The following NEK6 variants were observed in gnomAD, a reference collection of about 807,000 sequenced individuals.
NEK6 encodes NIMA related kinase 6.
Under a neutral mutation model 43.5 loss-of-function variants are expected in NEK6, and 27 were observed. The observed-to-expected ratio is 0.62, with a 90% confidence interval of 0.46 to 0.86. The LOEUF (loss-of-function observed/expected upper bound fraction) is 0.86. NEK6 is among the 40% of genes least tolerant of loss of function. The pLI is 0.00. For missense variants in NEK6, 318 were observed against 414.4 expected (o/e 0.77, Z 2.02); for synonymous variants, 167 against 164.1 (o/e 1.02, Z -0.14).
intron 1 of NEK6, among the ~76,000 whole-genome samples, chr9:124,279,060 A>G (rs1159181329): frequency 1.3e-5 from 2 of 151,762 alleles, no homozygotes; most frequent in African/African-American, 4.8e-5. Flanking sequence ...AAATAGGTGG[A>G]GTGTCCCATA....
At chr9:124,282,430 T>A (rs563841272) in intron 1 of NEK6, among the ~76,000 whole-genome samples, 1 of 152,326 alleles carries the variant, frequency 6.6e-6, no homozygotes, top group African/African-American at 2.4e-5. Flanking sequence ...ACTTGATTAG[T>A]ATCTCCAAGT....
Position 124,327,340 on chromosome 9 carries a change from A to G in NEK6, c.517A>G (p.Ile173Val), listed in dbSNP as rs1834395578. 6.2e-7 allele frequency: 1 copy of G among 1,613,484 alleles called. No homozygotes were observed. The change falls in exon 7 of 10, where the codon ATC (isoleucine) becomes GTC (valine). Residue 173 changes from isoleucine (I) to valine (V), a missense_variant and splice_region_variant. By Grantham distance (29) the Ile-to-Val change is conservative (BLOSUM62 3). Transcript: ENST00000320246. ...MHSRRVMHRD[I>V]KPANVFITAT... Reference sequence around the variant, plus strand: ...ATCTCCTTCTCCTCGCCCTGCAGACATCAAGCCTGCCAACGTGTTCATCAC... The same window carrying G: ...ATCTCCTTCTCCTCGCCCTGCAGACGTCAAGCCTGCCAACGTGTTCATCAC...
intron 6 of NEK6, among the ~76,000 whole-genome samples, chr9:124,327,131 G>A (rs1231408776): frequency 1.3e-5 from 2 of 152,204 alleles, no homozygotes; most frequent in Non-Finnish European, 2.9e-5. Flanking sequence ...TGTCAAGTTG[G>A]TGGAGGGAGA....
intron 1 of NEK6, among the ~76,000 whole-genome samples, chr9:124,273,774 C>T (rs139341365): frequency 6.6e-6 from 1 of 152,254 alleles, no homozygotes; most frequent in East Asian, 1.9e-4. Context: ...AGCAGGGGAG[C>T]GTAATCTTCA....
At chr9:124,294,722 G>C (rs541893904) in intron 1 of NEK6, among the ~76,000 whole-genome samples, 1 of 152,196 alleles carries the variant, frequency 6.6e-6, no homozygotes, top group African/African-American at 2.4e-5. Flanking sequence ...GGGCAGGCTC[G>C]TGTCAGGTGG....
rs776253800 is a variant in NEK6 at position 124,351,861 on chromosome 9, TGACA to T, written c.*921_*924del. Reference sequence around the variant, plus strand: ...ACCTATCATCTACCTTCAGGATTGCTGACAGACAGAATTTGAAATAAAATATGCA... The same window carrying T: ...ACCTATCATCTACCTTCAGGATTGCTGACAGAATTTGAAATAAAATATGCA... On this transcript the variant is annotated 3_prime_UTR_variant, in exon 10 of 10. Coordinates refer to ENST00000320246, the MANE Select transcript of NEK6 (RefSeq NM_014397.6). 5 of 152,352 alleles carry T rather than the reference TGACA, an allele frequency of 3.3e-5. No individual in the cohort carries two copies. Among genetic ancestry groups the T allele is most frequent in the African/African-American group, 7.2e-5 (3 of 41,450 alleles). The allele number at this position is 152,352 out of a possible 1,614,324, so 9.4% of individuals were successfully genotyped here.
chr9:124,315,690 G>C (rs1426202304), intron 4 of NEK6, among the ~76,000 whole-genome samples: 1 of 152,212 alleles, frequency 6.6e-6, no homozygotes, highest in Non-Finnish European at 1.5e-5. Flanking sequence ...AGCCTGGTCT[G>C]GTCCCTGGTC....
At chr9:124,296,967 C>A (rs1246726098) in intron 1 of NEK6, among the ~76,000 whole-genome samples, 1 of 152,248 alleles carries the variant, frequency 6.6e-6, no homozygotes, top group African/African-American at 2.4e-5. Flanking sequence ...GCGCTCATGT[C>A]TCCCTAGGGT....
chr9:124,295,612 G>A (rs527680223), intron 1 of NEK6, among the ~76,000 whole-genome samples: 1 of 152,190 alleles, frequency 6.6e-6, no homozygotes, highest in Non-Finnish European at 1.5e-5. Flanking sequence ...CTGAACTTTG[G>A]TTTCTCTTCT....
chr9:124,309,968 G>A (rs542877205), intron 2 of NEK6, among the ~76,000 whole-genome samples: 48 of 152,348 alleles, frequency 3.2e-4, no homozygotes, highest in African/African-American at 8.9e-4. Context: ...GGCCGGTGGC[G>A]GGTCCTGGGG....
At chr9:124,319,343 C>T (rs1056034783) in intron 4 of NEK6, among the ~76,000 whole-genome samples, 3 of 151,894 alleles carry the variant, frequency 2.0e-5, no homozygotes, top group Admixed American at 2.0e-4. Flanking sequence ...CTTATAGATT[C>T]TGGACATTAG....
intron 2 of NEK6, among the ~76,000 whole-genome samples, chr9:124,303,124 A>G (rs1379504290): frequency 7.2e-5 from 11 of 152,208 alleles, no homozygotes; most frequent in African/African-American, 2.4e-4. Context: ...GTGGCATGCA[A>G]AGGCCTGGAG....
chr9:124,347,678 A>C lies in NEK6; in HGVS notation c.718-31A>C. ...AGTCCTTCTGAGCCTTGAGGCCGAAAGCTTATCTTCGTTGTTCCCGTCCCT... is the reference window on the plus strand; with the variant it reads ...AGTCCTTCTGAGCCTTGAGGCCGAACGCTTATCTTCGTTGTTCCCGTCCCT... On this transcript the variant is annotated intron_variant, in intron 8 of 9. Transcript: ENST00000320246. The C allele has an allele frequency of 2.1e-6, 3 of 1,436,296 alleles. No individual in the cohort carries two copies. In the African/African-American group the frequency reaches 4.3e-5, roughly 20 times the overall value. 89.0% of individuals were successfully genotyped at this position (1,436,296 alleles called of 1,614,324 possible).
intron 1 of NEK6, among the ~76,000 whole-genome samples, chr9:124,271,503 G>A (rs1831438317): frequency 6.6e-6 from 1 of 152,276 alleles, no homozygotes; most frequent in Admixed American, 6.5e-5. Flanking sequence ...TACTTTCCGT[G>A]TGTTGCCTTC....
chr9:124,276,182 T>C (rs770617373), intron 1 of NEK6, among the ~76,000 whole-genome samples: 3 of 152,050 alleles, frequency 2.0e-5, no homozygotes, highest in Non-Finnish European at 4.4e-5. Flanking sequence ...CAGCCTGAGC[T>C]CCTACCTGGA....
At chr9:124,271,759 CAG>C (rs1194368861) in intron 1 of NEK6, among the ~76,000 whole-genome samples, 1 of 152,278 alleles carries the variant, frequency 6.6e-6, no homozygotes, top group Non-Finnish European at 1.5e-5. Flanking sequence ...ATCTGCAGGA[CAG>C]GGGCCAGACC....
At chr9:124,297,790 C>T (rs1022239887) in intron 1 of NEK6, among the ~76,000 whole-genome samples, 1 of 152,232 alleles carries the variant, frequency 6.6e-6, no homozygotes, top group Non-Finnish European at 1.5e-5. Flanking sequence ...AGTGTTACCC[C>T]GAGGTGCCTG....
chr9:124,339,368 C>T (rs1829466863), intron 7 of NEK6, among the ~76,000 whole-genome samples: 1 of 152,012 alleles, frequency 6.6e-6, no homozygotes, highest in Admixed American at 6.6e-5. Context: ...GTGTTTAGTG[C>T]CCTGCTAGCA....
At chr9:124,315,266 C>G (rs1032704165) in intron 4 of NEK6, among the ~76,000 whole-genome samples, 1 of 152,182 alleles carries the variant, frequency 6.6e-6, no homozygotes, top group Non-Finnish European at 1.5e-5. Context: ...TCTGGAAGGC[C>G]GAAGTGAGCC....
Sources: allele counts gnomAD v4.1 joint callset (sites outside exome capture counted in the v4.1 genomes callset), GRCh38; gene constraint gnomAD v4.1.1; transcripts MANE v1.5; gene names NCBI Gene and HGNC (gene_info 2026-07-23, HGNC 2026-07-21).